FOXN3: variants seen among roughly 807,000 people sequenced by gnomAD.
FOXN3 encodes the protein forkhead box protein N3.
A neutral mutation model predicts 38.4 loss-of-function variants in FOXN3; 7 were observed. The observed-to-expected ratio is 0.18, with a 90% CI of 0.10 to 0.34. The LOEUF (loss-of-function observed/expected upper bound fraction) is 0.34, where lower values mean the gene tolerates loss of function less well. Ranked by LOEUF, FOXN3 falls within the 10% of genes least tolerant of loss-of-function variation. FOXN3 has a pLI of 1.00. For synonymous variants in FOXN3, 230 were observed against 242.2 expected, an observed-to-expected ratio of 0.95 and a Z score of 0.47; for missense variants, 456 against 613.4, an observed-to-expected ratio of 0.74 and a Z score of 2.71.
At position 89,548,600 on chromosome 14, in the gene FOXN3, T is replaced by C. The variant is rs1377612178; in HGVS notation, c.-15+70428A>G. Among the ~76,000 whole-genome samples, 1 of 152,236 alleles carries C rather than the reference T, an allele frequency of 6.6e-6. No individual in the cohort carries two copies. Among genetic ancestry groups the C allele is most frequent in the Non-Finnish European group, 1.5e-5 (1 of 68,048 alleles). On this transcript the variant is annotated intron_variant, in intron 1 of 6. Coordinates refer to the FOXN3 transcript ENST00000345097. The surrounding 1 kb of genome is among the most constrained non-coding windows in gnomAD (Gnocchi z 4.8). ...CTAACTAATCGTATGGGATAATGTA[T>C]GTAAAAGTATTCTATAATTAGAACC... is the stretch of plus-strand genomic sequence containing the variant.
intron 1 of FOXN3, among the ~76,000 whole-genome samples, chr14:89,519,700 G>A (rs1386369541): frequency 2.0e-5 from 3 of 151,826 alleles, no homozygotes; most frequent in Admixed American, 1.3e-4. Flanking sequence ...ACTGACTGGG[G>A]TGGAAGGGGG....
chr14:89,461,336 CAA>C (rs750351493), intron 1 of FOXN3, among the ~76,000 whole-genome samples: 4 of 128,972 alleles, frequency 3.1e-5, no homozygotes, highest in Non-Finnish European at 3.4e-5. Context: ...GGCTCTGTCT[CAA>C]AAAAAAAAAA....
intron 4 of FOXN3, among the ~76,000 whole-genome samples, chr14:89,250,938 C>T (rs1028826654): frequency 1.3e-5 from 2 of 152,202 alleles, no homozygotes; most frequent in Non-Finnish European, 2.9e-5. Context: ...ACTGTGAGGC[C>T]TCCCCAGCCA....
intron 1 of FOXN3, among the ~76,000 whole-genome samples, chr14:89,506,081 G>T: frequency 7.0e-6 from 1 of 143,534 alleles, no homozygotes; most frequent in Admixed American, 6.8e-5. Context: ...GGGGGGGTCA[G>T]CCCCCCGCCC....
At chr14:89,300,036 T>C (rs953047838) in intron 3 of FOXN3, among the ~76,000 whole-genome samples, 1 of 152,168 alleles carries the variant, frequency 6.6e-6, no homozygotes, top group African/African-American at 2.4e-5. Context: ...AACTACACAC[T>C]GCCCATTATA....
Position 89,412,069 on chromosome 14 carries a change from T to C in FOXN3, c.408A>G (p.Pro136=), listed in dbSNP as rs1215201399. 19 of 1,613,454 alleles carry C rather than the reference T, an allele frequency of 1.2e-5. No individual in the cohort carries two copies. The highest frequency in any genetic ancestry group is 1.6e-5 in the Non-Finnish European group (19 of 1,179,830). ...AGATCCAGTTGTAGATATCCTTCAC[T>C]GGCAGGCGCTTGGTTGGAGAGTCCT... The part of the protein sequence containing the change: ...AIEDSPTKRL[P]VKDIYNWILE... Residue 136 remains proline (P), a synonymous_variant, in exon 2 of 6, where the codon CCA becomes CCG. Transcript: ENST00000557258. The surrounding 1 kb of genome is among the most constrained non-coding windows in gnomAD (Gnocchi z 4.7).
chr14:89,478,685 AC>A (rs1893260238), intron 1 of FOXN3, among the ~76,000 whole-genome samples: 1 of 151,984 alleles, frequency 6.6e-6, no homozygotes, highest in Non-Finnish European at 1.5e-5. Context: ...TAATCCCAGC[AC>A]TTTTGGAGGC....
At chr14:89,432,364 C>A (rs1251967825) in intron 1 of FOXN3, among the ~76,000 whole-genome samples, 1 of 152,096 alleles carries the variant, frequency 6.6e-6, no homozygotes, top group African/African-American at 2.4e-5. Flanking sequence ...ACATTCAAGG[C>A]GCTTGAACAA....
At chr14:89,537,690 G>A (rs2139844478) in intron 1 of FOXN3, among the ~76,000 whole-genome samples, 3 of 152,318 alleles carry the variant, frequency 2.0e-5, no homozygotes, top group African/African-American at 7.2e-5. Context: ...TGACATCTCT[G>A]AAAAGACTGG....
chr14:89,181,012 ACGCGCACACACACACACAT>A (rs1887660175), intron 4 of FOXN3, among the ~76,000 whole-genome samples: 2 of 151,472 alleles, frequency 1.3e-5, no homozygotes, highest in South Asian at 2.1e-4. Context: ...ACAGTCATGC[ACGCGCACACACACACACAT>A]GCAGACACGT....
chr14:89,402,873 A>G (rs1430498576), intron 2 of FOXN3, among the ~76,000 whole-genome samples: 2 of 152,248 alleles, frequency 1.3e-5, no homozygotes, highest in Non-Finnish European at 2.9e-5. Context: ...GTTTTCTACA[A>G]TAAACACTCA....
intron 3 of FOXN3, among the ~76,000 whole-genome samples, chr14:89,343,888 G>C (rs1000926325): frequency 1.3e-5 from 2 of 151,998 alleles, no homozygotes; most frequent in Admixed American, 6.6e-5. Context: ...TTAGCCTCCC[G>C]AGTAGCTGAT....
intron 1 of FOXN3, among the ~76,000 whole-genome samples, chr14:89,609,562 C>T (rs953483782): frequency 3.9e-5 from 6 of 152,170 alleles, no homozygotes; most frequent in South Asian, 2.1e-4. Flanking sequence ...TCCCAATAAT[C>T]CTTTCAGGAT....
chr14:89,485,071 G>A (rs1320345010), intron 1 of FOXN3, among the ~76,000 whole-genome samples: 1 of 150,848 alleles, frequency 6.6e-6, no homozygotes, highest in African/African-American at 2.4e-5. Flanking sequence ...AGAACAGCTT[G>A]AACCTGGGAG....
chr14:89,341,568 G>C (rs1042308734), intron 3 of FOXN3, among the ~76,000 whole-genome samples: 1 of 152,086 alleles, frequency 6.6e-6, no homozygotes, highest in Non-Finnish European at 1.5e-5. Context: ...TAGAAAATTT[G>C]CAAGTATTTA....
intron 1 of FOXN3, among the ~76,000 whole-genome samples, chr14:89,531,578 T>G (rs1029270405): frequency 6.6e-6 from 1 of 152,200 alleles, no homozygotes; most frequent in Non-Finnish European, 1.5e-5. Flanking sequence ...ACTGGAGCAT[T>G]CATGATGTTG....
chr14:89,362,311 T>A (rs1178659471), intron 2 of FOXN3, among the ~76,000 whole-genome samples: 2 of 2,080 alleles, frequency 9.6e-4, no homozygotes, highest in African/African-American at 1.0e-3. Context: ...CACCACCACC[T>A]CCAGCACCAC....
intron 2 of FOXN3, chr14:89,409,358 G>GGGGC (rs1555352196): frequency 6.9e-6 from 1 of 144,754 alleles, no homozygotes; most frequent in Non-Finnish European, 1.5e-5. Flanking sequence ...GGGACGGGGG[G>GGGGC]GTCGCATGGC....
chr14:89,249,883 A>T (rs1251716287), intron 4 of FOXN3, among the ~76,000 whole-genome samples: 1 of 152,194 alleles, frequency 6.6e-6, no homozygotes, highest in African/African-American at 2.4e-5. Flanking sequence ...ATTGAAAAAA[A>T]AGTCATCAAT....
Sources: gnomAD v4.1 joint callset for allele counts (sites outside exome capture counted in the v4.1 genomes callset) on GRCh38, gnomAD v4.1.1 for gene constraint, Gnocchi (gnomAD v3.1) non-coding constraint, MANE v1.5 for transcripts, NCBI Gene and HGNC (gene_info 2026-07-23, HGNC 2026-07-21) for gene names.